SSBP3: variants seen among roughly 807,000 people sequenced by gnomAD.
SSBP3 encodes the protein single-stranded DNA-binding protein 3.
In SSBP3, 5 loss-of-function variants were observed where a neutral mutation model predicts 69.6. The observed-to-expected ratio is 0.07, with a 90% CI of 0.04 to 0.15. The LOEUF (loss-of-function observed/expected upper bound fraction) is 0.15, where lower values mean the gene tolerates loss of function less well. Among genes scored for constraint, SSBP3 ranks in the 10% least tolerant of loss-of-function variants. The probability of loss-of-function intolerance (pLI) is 1.00; values close to 1 mark genes in which losing one functional copy is unlikely to be tolerated. For synonymous variants in SSBP3, 196 were observed against 193.4 expected, an observed-to-expected ratio of 1.01 and a Z score of -0.11; for missense variants, 312 against 534.0, an observed-to-expected ratio of 0.58 and a Z score of 4.10.
At chr1:54,378,873 A>G (rs1281155949) in intron 4 of SSBP3, among the ~76,000 whole-genome samples, 1 of 152,082 alleles carries the variant, frequency 6.6e-6, no homozygotes, top group Non-Finnish European at 1.5e-5. Context: ...CGAGGAAGGA[A>G]CTCCCCATTT....
intron 4 of SSBP3, among the ~76,000 whole-genome samples, chr1:54,298,804 G>A (rs2100988009): frequency 6.6e-6 from 1 of 152,288 alleles, no homozygotes; most frequent in African/African-American, 2.4e-5. Context: ...GTCAGCGTGT[G>A]CAAACAGCCC....
chr1:54,354,148 C>T (rs779531613), intron 4 of SSBP3, among the ~76,000 whole-genome samples: 31 of 152,338 alleles, frequency 2.0e-4, no homozygotes, highest in South Asian at 6.2e-4. Context: ...CTGGAGCCAG[C>T]GCATACCACT....
chr1:54,233,650 G>T (rs1644429910), intron 14 of SSBP3, among the ~76,000 whole-genome samples: 2 of 148,096 alleles, frequency 1.4e-5, no homozygotes, highest in African/African-American at 2.5e-5. Context: ...CCTCTGCCCG[G>T]CCGCCCCTAC....
chr1:54,345,305 T>C (rs1417054307), intron 4 of SSBP3, among the ~76,000 whole-genome samples: 2 of 152,132 alleles, frequency 1.3e-5, no homozygotes, highest in Non-Finnish European at 1.5e-5. Flanking sequence ...TACGCAATAT[T>C]TGCCCTTCCA....
chr1:54,283,084 T>C (rs1295849280), intron 4 of SSBP3, among the ~76,000 whole-genome samples: 4 of 152,038 alleles, frequency 2.6e-5, no homozygotes. Context: ...CTGGCCAAAA[T>C]GGCAAAACCC....
In SSBP3 at chr1:54,281,090, T is replaced by A. The variant is rs576160589; in HGVS notation, c.366+348A>T. 3.1e-3 allele frequency among the ~76,000 whole-genome samples: 468 copies of A among 152,300 alleles called. 1 individual carries two copies. The highest frequency in any genetic ancestry group is 5.2e-3 in the Non-Finnish European group (353 of 68,016). On this transcript the variant is annotated intron_variant, in intron 5 of 17. Coordinates refer to ENST00000610401, the Ensembl canonical transcript of SSBP3. ...CAAAGAACAATTTACTGATTTTTTT[T>A]AAAGCCTTTTGTTAAAAGAAAGCTC...
At chr1:54,251,069 C>G (rs1644820668) in intron 9 of SSBP3, among the ~76,000 whole-genome samples, 1 of 152,226 alleles carries the variant, frequency 6.6e-6, no homozygotes, top group Non-Finnish European at 1.5e-5. Context: ...GTGGCCCCCT[C>G]CCACCAGAGA....
At chr1:54,346,632 G>A (rs1217155226) in intron 4 of SSBP3, among the ~76,000 whole-genome samples, 1 of 152,034 alleles carries the variant, frequency 6.6e-6, no homozygotes. Context: ...GACTGACACG[G>A]TGAAACCCCA....
intron 4 of SSBP3, among the ~76,000 whole-genome samples, chr1:54,346,800 G>A (rs1179238634): frequency 6.6e-6 from 1 of 150,542 alleles, no homozygotes; most frequent in Non-Finnish European, 1.5e-5. Context: ...GGGCAATAGA[G>A]TGAGACTCCA....
Position 54,369,852 on chromosome 1 carries a change from A to G in SSBP3, c.276+32009T>C, listed in dbSNP as rs1647098610. ...TCCCAAGATTAGTACCCTCGACGGT[A>G]TCCTGGGCACAACATTGCTCCATTT... is the stretch of plus-strand genomic sequence containing the variant. On this transcript the variant is annotated intron_variant, in intron 4 of 17. Coordinates refer to ENST00000610401, the Ensembl canonical transcript of SSBP3. 3.4e-5 allele frequency among the ~76,000 whole-genome samples: 5 copies of G among 148,690 alleles called. No homozygotes were observed. The South Asian group carries it at 1.1e-3, about 32-fold the overall frequency.
At chr1:54,315,045 T>C (rs1646071243) in intron 4 of SSBP3, among the ~76,000 whole-genome samples, 1 of 152,172 alleles carries the variant, frequency 6.6e-6, no homozygotes, top group East Asian at 1.9e-4. Flanking sequence ...TGTGATTCTG[T>C]CTGCCTGGAG....
chr1:54,268,773 C>T (rs1485708194), intron 5 of SSBP3, among the ~76,000 whole-genome samples: 1 of 152,132 alleles, frequency 6.6e-6, no homozygotes, highest in Non-Finnish European at 1.5e-5. Context: ...GGGGAAGAAC[C>T]AGGACTCTGG....
chr1:54,382,542 A>G (rs372468188), intron 4 of SSBP3, among the ~76,000 whole-genome samples: 14 of 152,254 alleles, frequency 9.2e-5, no homozygotes, highest in African/African-American at 3.1e-4. Flanking sequence ...TATCTGATAA[A>G]GACAAATATC....
At chr1:54,322,517 G>C (rs1646231937) in intron 4 of SSBP3, among the ~76,000 whole-genome samples, 1 of 152,044 alleles carries the variant, frequency 6.6e-6, no homozygotes. Flanking sequence ...ATCTGATAAT[G>C]CACCTGGCCA....
chr1:54,320,039 G>A (rs972418250), intron 4 of SSBP3, among the ~76,000 whole-genome samples: 2 of 152,132 alleles, frequency 1.3e-5, no homozygotes, highest in African/African-American at 2.4e-5. Context: ...ATCCATTCCT[G>A]TCCCAGGTAC....
intron 4 of SSBP3, among the ~76,000 whole-genome samples, chr1:54,294,023 C>T (rs892037752): frequency 2.0e-5 from 3 of 150,724 alleles, no homozygotes. Context: ...GCCTGTAATC[C>T]CAGCTACTCG....
intron 4 of SSBP3, among the ~76,000 whole-genome samples, chr1:54,394,483 T>C (rs1648717392): frequency 6.6e-6 from 1 of 151,990 alleles, no homozygotes; most frequent in African/African-American, 2.4e-5. Context: ...ACTGCATCTG[T>C]CTCTTCAACT....
chr1:54,228,794 C>T (rs1644332041), exon 15 of SSBP3: 2 of 1,611,472 alleles, frequency 1.2e-6, no homozygotes, highest in Admixed American at 1.7e-5. Context: ...CCATGCCGCC[C>T]ATCGGACCGT....
chr1:54,381,723 T>C (rs1427811776), intron 4 of SSBP3, among the ~76,000 whole-genome samples: 1 of 152,060 alleles, frequency 6.6e-6, no homozygotes, highest in East Asian at 1.9e-4. Flanking sequence ...AAAACTCAGG[T>C]GAGTCCAAGC....
Sources: gnomAD v4.1 joint callset for allele counts (sites outside exome capture counted in the v4.1 genomes callset) on GRCh38, gnomAD v4.1.1 for gene constraint, MANE v1.5 for transcripts, NCBI Gene and HGNC (gene_info 2026-07-23, HGNC 2026-07-21) for gene names.